The following PLTP variants were observed in gnomAD, a reference collection of about 807,000 sequenced individuals.
The protein encoded by PLTP is BPI fold containing family E.
A neutral mutation model predicts 54.1 loss-of-function variants in PLTP; 43 were observed. That is an observed-to-expected ratio of 0.79 (90% CI 0.62 to 1.02). The LOEUF (loss-of-function observed/expected upper bound fraction) is 1.02, where lower values mean the gene tolerates loss of function less well. Among genes scored for constraint, PLTP ranks in the 50% least tolerant of loss-of-function variants. PLTP has a pLI of 0.00. For synonymous variants in PLTP, 263 were observed against 264.6 expected (o/e 0.99, Z 0.06); for missense variants, 604 against 645.9 (o/e 0.94, Z 0.70).
At position 45,911,364 on chromosome 20, in the gene PLTP, G is replaced by A. The variant is rs915366194; in HGVS notation, c.89C>T (p.Ala30Val). Residue 30 changes from alanine to valine, a missense_variant, in exon 2 of 16, where the codon GCG becomes GTG. Physicochemically the swap from Ala to Val is moderately conservative, Grantham distance 64. Coordinates refer to ENST00000372431, the MANE Select transcript of PLTP (RefSeq NM_006227.4). ...PGCKIRVTSK[A>V]LELVKQEGLR... ...CCCCTGCGCCTTACCCAGCTCCAGCGCCTTGGAGGTGACGCGGATCTTGCA... is the reference window on the plus strand; with the variant it reads ...CCCCTGCGCCTTACCCAGCTCCAGCACCTTGGAGGTGACGCGGATCTTGCA... 5 of 1,612,694 alleles carry A rather than the reference G, an allele frequency of 3.1e-6. No homozygotes were observed. The highest frequency in any genetic ancestry group is 4.2e-6 in the Non-Finnish European group (5 of 1,180,022).
chr20:45,905,607 T>C (rs576757235), intron 8 of PLTP, among the ~76,000 whole-genome samples: 1 of 152,354 alleles, frequency 6.6e-6, no homozygotes, highest in East Asian at 1.9e-4. Context: ...ACTTCAGGCA[T>C]TCTTTTTCTC....
Position 45,898,785 on chromosome 20 carries a change from G to T in PLTP, c.*156C>A. On this transcript the variant is annotated 3_prime_UTR_variant, in exon 16 of 16. Coordinates refer to ENST00000372431, the MANE Select transcript of PLTP (RefSeq NM_006227.4). The surrounding 1 kb of genome is among the most constrained non-coding windows in gnomAD (Gnocchi z 4.6). ...GGTGGTGGACGGACTGTAATTGATA[G>T]ATTGATTATGGAATTAAATTGGGTA... is the stretch of plus-strand genomic sequence containing the variant. 1.1e-6 allele frequency: 1 copy of T among 885,804 alleles called. No individual in the cohort carries two copies. Among genetic ancestry groups the T allele is most frequent in the Non-Finnish European group, 1.7e-6 (1 of 586,058 alleles). 54.9% of individuals were successfully genotyped at this position (885,804 alleles called of 1,614,324 possible).
Position 45,902,337 on chromosome 20 carries a change from GC to G in PLTP, c.1108-4del. The G allele has an allele frequency of 6.2e-7, 1 of 1,614,186 alleles. No individual in the cohort carries two copies. The highest frequency in any genetic ancestry group is 1.1e-5 in the South Asian group (1 of 91,086). On this transcript the variant is annotated splice_region_variant and splice_polypyrimidine_tract_variant and intron_variant, in intron 11 of 15. Transcript: ENST00000372431. ...ATCTTGGCGCTGAGACGGGCGTCCT[GC>G]AGGAACATGGGGAGGAGGATGTTAC...
In PLTP at chr20:45,904,931, C is replaced by T. The variant is rs1170802942; in HGVS notation, c.882+11G>A. ...TTCTCTTGCCCATCCCACAAACAGG[C>T]CATGACATACCTTGTCCCCCACCAG... On this transcript the variant is annotated intron_variant, in intron 9 of 15. Coordinates refer to ENST00000372431, the MANE Select transcript of PLTP (RefSeq NM_006227.4). 1.9e-6 allele frequency: 3 copies of T among 1,614,236 alleles called. No homozygotes were observed. Among genetic ancestry groups the T allele is most frequent in the Admixed American group, 3.3e-5 (2 of 60,032 alleles).
rs542897687 is a variant in PLTP at position 45,910,181 on chromosome 20, G to A, written c.201-111C>T. On this transcript the variant is annotated intron_variant, in intron 3 of 15. Transcript: ENST00000372431. The stretch of plus-strand genomic sequence containing the variant: ...TCCAGGCCTGGGGAAGCGGGAGTGG[G>A]TGGAATGAATTCTTCCATTGTCCCT... 66 of 1,222,812 alleles carry A rather than the reference G, an allele frequency of 5.4e-5. 1 individual carries two copies. In the East Asian group the frequency reaches 1.6e-3, roughly 29 times the overall value. The allele number at this position is 1,222,812 out of a possible 1,614,324, so 75.7% of individuals were successfully genotyped here.
chr20:45,899,992 G>T (rs1401600557), intron 12 of PLTP, 114 bp from the exon 13 acceptor site: 1 of 870,792 alleles, frequency 1.1e-6, no homozygotes, highest in African/African-American at 1.7e-5. Flanking sequence ...GCCCACCTAG[G>T]CACCTTTCCA....
chr20:45,900,197 C>T (rs1436297954), intron 12 of PLTP, among the ~76,000 whole-genome samples: 2 of 148,468 alleles, frequency 1.3e-5, no homozygotes, highest in South Asian at 2.1e-4. Flanking sequence ...CTCCGTCTCC[C>T]GGGTTCACGC....
intron 1 of PLTP, 59 bp from the exon 2 acceptor site, chr20:45,911,522 G>T: frequency 6.3e-7 from 1 of 1,594,740 alleles, no homozygotes; most frequent in Non-Finnish European, 8.5e-7. Flanking sequence ...TTCCTTGGAC[G>T]TCCAACCATA....
chr20:45,902,705 G>A, intron 10 of PLTP, 101 bp from the exon 11 acceptor site: 1 of 1,258,576 alleles, frequency 7.9e-7, no homozygotes, highest in East Asian at 2.6e-5. Flanking sequence ...TGTCCTCTGG[G>A]GACTCTCATA....
At chr20:45,910,849 T>C (rs2083283145) in intron 3 of PLTP, 13 of 1,289,708 alleles carry the variant, frequency 1.0e-5, no homozygotes, top group South Asian at 1.6e-5. Flanking sequence ...CTCTCATCTA[T>C]TGGGAAGTTC....
In PLTP at chr20:45,899,545, G is replaced by A. The variant is rs370035568; in HGVS notation, c.1283-7C>T. On this transcript the variant is annotated splice_polypyrimidine_tract_variant and splice_region_variant and intron_variant, in intron 14 of 15. Coordinates refer to ENST00000372431, the MANE Select transcript of PLTP (RefSeq NM_006227.4). ...ACCCCACGCCAGGTCCGCTCTGTGG[G>A]TGGGAGCACCCCGCTCAGTCTGGGC... 16 of 1,614,052 alleles carry A rather than the reference G, an allele frequency of 9.9e-6. No individual in the cohort carries two copies. The highest frequency in any genetic ancestry group is 1.3e-5 in the Non-Finnish European group (15 of 1,180,026).
chr20:45,907,172 A>AC (rs1471493718), intron 7 of PLTP, among the ~76,000 whole-genome samples: 2 of 146,312 alleles, frequency 1.4e-5, no homozygotes, highest in Admixed American at 6.9e-5. Context: ...ACTAAAACAC[A>AC]AAAAACTAGT....
chr20:45,908,358 G>A (rs937931717), intron 5 of PLTP, among the ~76,000 whole-genome samples: 1 of 152,094 alleles, frequency 6.6e-6, no homozygotes, highest in Non-Finnish European at 1.5e-5. Context: ...TAGGCTCTGA[G>A]CTCCTTCCTG....
intron 3 of PLTP, among the ~76,000 whole-genome samples, chr20:45,910,507 C>T (rs1263360890): frequency 6.6e-6 from 1 of 151,356 alleles, no homozygotes; most frequent in Non-Finnish European, 1.5e-5. Context: ...CCTAGCTACT[C>T]GGGAGGCTGA....
At position 45,905,017 on chromosome 20, in the gene PLTP, A is replaced by G. The variant is rs144170383; in HGVS notation, c.807T>C (p.Ser269=). Residue 269 remains serine, a synonymous_variant, in exon 9 of 16, where the codon TCT becomes TCC. Transcript: ENST00000372431. ...EEERMVYVAF[S]EFFFDSAMES... is the part of the protein sequence containing the mutation. ...CCATGGCAGAGTCGAAGAAGAACTC[A>G]GAGAAGGCCACATACACCATCCGCT... 28 of 1,614,080 alleles carry G rather than the reference A, an allele frequency of 1.7e-5. No individual in the cohort carries two copies. The African/African-American group carries it at 3.5e-4, about 20-fold the overall frequency.
Position 45,898,948 on chromosome 20 carries a change from G to C in PLTP, c.1475C>G (p.Ala492Gly). The part of the protein sequence containing the change: ...ASTAPTPSTA[A>G]V ...AGCTTGGGGATTGAGGGCTCAGACA[G>C]CTGCTGTGGACGGTGTGGGGGCAGT... Residue 492 changes from alanine to glycine, a missense_variant, in exon 16 of 16, where the codon GCT becomes GGT. Transcript: ENST00000372431. This position sits in a 1 kb window ranked among gnomAD's most constrained non-coding sequence, Gnocchi z 4.6. 1 of 1,614,066 alleles carries C rather than the reference G, an allele frequency of 6.2e-7. No individual in the cohort carries two copies. Among genetic ancestry groups the C allele is most frequent in the Non-Finnish European group, 8.5e-7 (1 of 1,179,954 alleles).
At position 45,902,345 on chromosome 20, in the gene PLTP, A is replaced by G. The variant is rs374953073; in HGVS notation, c.1108-11T>C. 11 of 1,614,060 alleles carry G rather than the reference A, an allele frequency of 6.8e-6. No homozygotes were observed. The highest frequency in any genetic ancestry group is 6.6e-5 in the South Asian group (6 of 91,090). ...GCTGAGACGGGCGTCCTGCAGGAAC[A>G]TGGGGAGGAGGATGTTACTGACCCA... On this transcript the variant is annotated splice_polypyrimidine_tract_variant and intron_variant, in intron 11 of 15. Transcript: ENST00000372431.
chr20:45,899,061 T>C lies in PLTP; in HGVS notation c.1362A>G (p.Gly454=), dbSNP rs1201071596. Residue 454 remains glycine, a splice_region_variant and synonymous_variant, in exon 16 of 16, where the codon GGA becomes GGG. Coordinates refer to ENST00000372431, the MANE Select transcript of PLTP (RefSeq NM_006227.4). Reference sequence around the variant, plus strand: ...GGAGATCAGCCCCGATGGTGAGGAATCCCTGTGTTGGGGAGAGGGGAGCCT... The same window carrying C: ...GGAGATCAGCCCCGATGGTGAGGAACCCCTGTGTTGGGGAGAGGGGAGCCT... ...FVHEVVTNHA[G]FLTIGADLHF... 9.3e-6 allele frequency: 15 copies of C among 1,614,074 alleles called. No individual in the cohort carries two copies. Among genetic ancestry groups the C allele is most frequent in the Non-Finnish European group, 1.3e-5 (15 of 1,180,038 alleles).
chr20:45,905,106 G>T lies in PLTP; in HGVS notation c.718C>A (p.Pro240Thr), dbSNP rs2083227579. 1 of 1,614,110 alleles carries T rather than the reference G, an allele frequency of 6.2e-7. No individual in the cohort carries two copies. The highest frequency in any genetic ancestry group is 8.5e-7 in the Non-Finnish European group (1 of 1,180,020). Residue 240 changes from proline (P) to threonine (T), a missense_variant, in exon 9 of 16, where the codon CCC (proline) becomes ACC (threonine). Pro to Thr is a conservative substitution (Grantham distance 38, BLOSUM62 -1). Transcript: ENST00000372431. ...AGGCTCCAGTTCCTCTCAGTCAGGG[G>T]GAAGAAGGCCCCCTGGGGTGGGGCA... ...LDMDFRGAFFPLTERNWSLPN... is the reference protein window; with the variant it reads ...LDMDFRGAFFTLTERNWSLPN...
Sources: allele counts gnomAD v4.1 joint callset (sites outside exome capture counted in the v4.1 genomes callset), GRCh38; gene constraint gnomAD v4.1.1; non-coding constraint Gnocchi (gnomAD v3.1); transcripts MANE v1.5; gene names NCBI Gene and HGNC (gene_info 2026-07-23, HGNC 2026-07-21).